ADAM32: variants seen among roughly 807,000 people sequenced by gnomAD.
ADAM32 encodes disintegrin and metalloproteinase domain-containing protein 32.
Under a neutral mutation model 114.9 loss-of-function variants are expected in ADAM32, and 89 were observed. The observed-to-expected ratio is 0.77, with a 90% confidence interval of 0.65 to 0.92. The LOEUF is 0.92. Among genes scored for constraint, ADAM32 ranks in the 40% least tolerant of loss-of-function variants. ADAM32 has a pLI of 0.00. For missense variants in ADAM32, 870 were observed against 932.8 expected (o/e 0.93, Z 0.88); for synonymous variants, 285 against 307.5 (o/e 0.93, Z 0.77).
intron 10 of ADAM32, among the ~76,000 whole-genome samples, chr8:39,181,695 T>C (rs1453996055): frequency 6.6e-6 from 1 of 152,166 alleles, no homozygotes; most frequent in Non-Finnish European, 1.5e-5. Context: ...TTTGAACTGA[T>C]GAGTGAAAGA....
chr8:39,138,530 T>C (rs903630108), intron 3 of ADAM32, among the ~76,000 whole-genome samples: 6 of 152,222 alleles, frequency 3.9e-5, no homozygotes, highest in Non-Finnish European at 7.3e-5. Context: ...TGCATAGTAT[T>C]CCATGGTGTA....
At chr8:39,172,792 G>A (rs1209694646) in intron 10 of ADAM32, among the ~76,000 whole-genome samples, 2 of 152,156 alleles carry the variant, frequency 1.3e-5, no homozygotes, top group Admixed American at 1.3e-4. Context: ...GACTAGTGCT[G>A]CAATGAACAT....
At chr8:39,231,569 A>C (rs1809735271) in intron 14 of ADAM32, among the ~76,000 whole-genome samples, 1 of 152,166 alleles carries the variant, frequency 6.6e-6, no homozygotes, top group South Asian at 2.1e-4. Context: ...ATGAAGGAAA[A>C]AATAGATAAA....
intron 19 of ADAM32, among the ~76,000 whole-genome samples, chr8:39,259,561 T>G (rs1811888128): frequency 6.6e-6 from 1 of 152,200 alleles, no homozygotes; most frequent in South Asian, 2.1e-4. Flanking sequence ...TTACATATAG[T>G]CTTCTTGGAA....
At position 39,118,061 on chromosome 8, in the gene ADAM32, CTT is replaced by C. The variant is rs746884956; in HGVS notation, c.59-12_59-11del. The C allele has an allele frequency of 4.8e-3, 5,073 of 1,060,504 alleles. 1 individual carries two copies. The highest frequency in any genetic ancestry group is 6.1e-3 in the South Asian group (336 of 55,238). The allele number at this position is 1,060,504 out of a possible 1,614,324, so 65.7% of individuals were successfully genotyped here. A position where few individuals can be genotyped will look rare whatever the true frequency, so the allele number is the denominator to read the frequency against. Reference sequence around the variant, plus strand: ...AATCAAATTAAGGCAAGGTTACTAACTTTTTTTTTTTTTTATCTCTTCAGGTT... The same window carrying C: ...AATCAAATTAAGGCAAGGTTACTAACTTTTTTTTTTTTATCTCTTCAGGTT... On this transcript the variant is annotated intron_variant, in intron 1 of 24. Coordinates refer to ENST00000379907, the MANE Select transcript of ADAM32 (RefSeq NM_145004.7).
intron 9 of ADAM32, 53 bp from the exon 10 acceptor site, chr8:39,169,863 C>A: frequency 7.4e-7 from 1 of 1,343,932 alleles, no homozygotes; most frequent in East Asian, 2.5e-5. Flanking sequence ...CAGGAATTCT[C>A]ATTTTTAAAT....
intron 2 of ADAM32, among the ~76,000 whole-genome samples, chr8:39,133,545 C>T (rs571481974): frequency 6.6e-6 from 1 of 152,294 alleles, no homozygotes; most frequent in South Asian, 2.1e-4. Context: ...CAGTGTGTGA[C>T]ACCAGCAGTG....
intron 10 of ADAM32, among the ~76,000 whole-genome samples, chr8:39,175,639 T>C (rs1805479513): frequency 6.6e-6 from 1 of 152,158 alleles, no homozygotes; most frequent in South Asian, 2.1e-4. Flanking sequence ...TGAAGTTTTC[T>C]TTTTTTGTTG....
chr8:39,278,435 C>T (rs1813225050), intron 22 of ADAM32, among the ~76,000 whole-genome samples: 1 of 152,176 alleles, frequency 6.6e-6, no homozygotes, highest in Non-Finnish European at 1.5e-5. Flanking sequence ...CACCTGTTCC[C>T]ATCACCAGTA....
At chr8:39,180,895 C>G (rs576384170) in intron 10 of ADAM32, among the ~76,000 whole-genome samples, 4 of 150,040 alleles carry the variant, frequency 2.7e-5, no homozygotes, top group African/African-American at 9.8e-5. Flanking sequence ...GTGCACCAAT[C>G]GACACTCTGT....
chr8:39,207,038 A>G (rs1807889290), intron 11 of ADAM32, among the ~76,000 whole-genome samples: 1 of 151,910 alleles, frequency 6.6e-6, no homozygotes, highest in African/African-American at 2.4e-5. Flanking sequence ...GCACTGTCCC[A>G]CCGCTAGGAC....
At chr8:39,160,062 G>A (rs1804400320) in intron 6 of ADAM32, among the ~76,000 whole-genome samples, 1 of 152,118 alleles carries the variant, frequency 6.6e-6, no homozygotes, top group South Asian at 2.1e-4. Context: ...GGCCAGATGT[G>A]TACAGGCAGG....
Position 39,270,864 on chromosome 8 carries a change from A to T in ADAM32, c.2163-12A>T. The T allele has an allele frequency of 6.2e-7, 1 of 1,600,926 alleles. No individual in the cohort carries two copies. Among genetic ancestry groups the T allele is most frequent in the Non-Finnish European group, 8.5e-7 (1 of 1,171,158 alleles). Reference sequence around the variant, plus strand: ...TAAGTACTAACATGAGACATTTTCAATTTCTTTTTAGATCTAAATCGGAAG... The same window carrying T: ...TAAGTACTAACATGAGACATTTTCATTTTCTTTTTAGATCTAAATCGGAAG... On this transcript the variant is annotated splice_polypyrimidine_tract_variant and intron_variant, in intron 19 of 24. Coordinates refer to ENST00000379907, the MANE Select transcript of ADAM32 (RefSeq NM_145004.7).
intron 17 of ADAM32, among the ~76,000 whole-genome samples, chr8:39,246,713 C>T (rs986028648): frequency 6.6e-6 from 1 of 152,058 alleles, no homozygotes; most frequent in African/African-American, 2.4e-5. Flanking sequence ...TCATTGTCAC[C>T]CAAAGTCCAG....
chr8:39,160,799 A>T, intron 6 of ADAM32, 98 bp from the exon 7 acceptor site: 1 of 1,048,514 alleles, frequency 9.5e-7, no homozygotes, highest in Non-Finnish European at 1.4e-6. Context: ...ACACCTCTGC[A>T]TATCTTGTAA....
At chr8:39,117,235 T>C (rs1337515901) in intron 1 of ADAM32, among the ~76,000 whole-genome samples, 1 of 152,222 alleles carries the variant, frequency 6.6e-6, no homozygotes, top group African/African-American at 2.4e-5. Context: ...CCTCTTCTTC[T>C]GCTACAGTTC....
chr8:39,198,530 A>G (rs1376278402), intron 11 of ADAM32, among the ~76,000 whole-genome samples: 1 of 152,124 alleles, frequency 6.6e-6, no homozygotes, highest in East Asian at 1.9e-4. Flanking sequence ...GGTGTGCACC[A>G]CCATGCCTGG....
chr8:39,130,850 A>T (rs943292089), intron 2 of ADAM32: 2 of 456,838 alleles, frequency 4.4e-6, no homozygotes, highest in African/African-American at 4.0e-5. Context: ...AAAGAATATG[A>T]ATTCTGCAGT....
At chr8:39,238,344 T>A (rs1006178278) in intron 16 of ADAM32, among the ~76,000 whole-genome samples, 1 of 152,218 alleles carries the variant, frequency 6.6e-6, no homozygotes, top group African/African-American at 2.4e-5. Context: ...CACTGTGGTC[T>A]GGCTCTCAGG....
Sources: gnomAD v4.1 joint callset for allele counts (sites outside exome capture counted in the v4.1 genomes callset) on GRCh38, gnomAD v4.1.1 for gene constraint, MANE v1.5 for transcripts, NCBI Gene and HGNC (gene_info 2026-07-23, HGNC 2026-07-21) for gene names.